C1QTNF3: variants seen among roughly 807,000 people sequenced by gnomAD.
C1QTNF3 encodes C1q and TNF related 3.
Under a neutral mutation model 32.6 loss-of-function variants are expected in C1QTNF3, and 26 were observed. That is an observed-to-expected ratio of 0.80 (90% CI 0.58 to 1.11). C1QTNF3 has a LOEUF of 1.11. C1QTNF3 is among the 50% of genes least tolerant of loss of function. C1QTNF3 has a pLI of 0.00. For synonymous variants in C1QTNF3, 155 were observed against 146.0 expected, an observed-to-expected ratio of 1.06 and a Z score of -0.44; for missense variants, 362 against 398.2, an observed-to-expected ratio of 0.91 and a Z score of 0.77.
chr5:34,145,123 C>T, the C1QTNF3 span, among the ~76,000 whole-genome samples: 1 of 151,908 alleles, frequency 6.6e-6, no homozygotes. Flanking sequence ...GGTGAGACTC[C>T]ATCTCAAAAA....
chr5:34,129,756 G>A, the C1QTNF3 span, among the ~76,000 whole-genome samples: 2 of 151,656 alleles, frequency 1.3e-5, no homozygotes, highest in Admixed American at 1.3e-4. Context: ...AGGTTATAGT[G>A]GGCCTATTGG....
chr5:34,114,144 T>C, the C1QTNF3 span, among the ~76,000 whole-genome samples: 1 of 152,184 alleles, frequency 6.6e-6, no homozygotes, highest in Non-Finnish European at 1.5e-5. Context: ...TTAAATAGGA[T>C]GTGTCAAATT....
chr5:34,208,269 C>T, the C1QTNF3 span, among the ~76,000 whole-genome samples: 3 of 152,138 alleles, frequency 2.0e-5, no homozygotes, highest in African/African-American at 7.2e-5. Flanking sequence ...TTCTACTTGC[C>T]CCTGTTATAA....
At chr5:34,223,229 C>T in the C1QTNF3 span, among the ~76,000 whole-genome samples, 1 of 142,150 alleles carries the variant, frequency 7.0e-6, no homozygotes, top group Non-Finnish European at 1.5e-5. Flanking sequence ...TCCATGTGTT[C>T]TCATTGTTCA....
the C1QTNF3 span, among the ~76,000 whole-genome samples, chr5:34,155,267 A>C: frequency 6.6e-6 from 1 of 152,214 alleles, no homozygotes; most frequent in Admixed American, 6.5e-5. Context: ...GAGAATCTTA[A>C]GCCTGTGTTA....
the C1QTNF3 span, among the ~76,000 whole-genome samples, chr5:34,100,664 T>C: frequency 1.4e-5 from 2 of 148,042 alleles, no homozygotes; most frequent in South Asian, 2.2e-4. Context: ...TTTCTTTACA[T>C]AATTTCCTGA....
At chr5:34,136,475 G>A in the C1QTNF3 span, among the ~76,000 whole-genome samples, 1 of 152,206 alleles carries the variant, frequency 6.6e-6, no homozygotes, top group Admixed American at 6.5e-5. Flanking sequence ...AGTTAGAATG[G>A]CAATCATTAA....
At chr5:34,225,313 GA>G in the C1QTNF3 span, among the ~76,000 whole-genome samples, 21 of 152,036 alleles carry the variant, frequency 1.4e-4, no homozygotes, top group East Asian at 3.3e-3. Flanking sequence ...TAATTAAAGA[GA>G]ATCTGCACTA....
the C1QTNF3 span, among the ~76,000 whole-genome samples, chr5:34,120,357 C>G: frequency 1.3e-5 from 2 of 151,808 alleles, no homozygotes; most frequent in African/African-American, 4.8e-5. Context: ...GTGAAATTTT[C>G]ATAAATCACA....
At chr5:34,219,795 C>G in the C1QTNF3 span, 5 of 152,158 alleles carry the variant, frequency 3.3e-5, no homozygotes, top group South Asian at 1.0e-3. Context: ...TGTGGATGTT[C>G]TTTAAAATAA....
At chr5:34,043,296 C>T, upstream of C1QTNF3, 1 of 643,822 alleles carries the variant, frequency 1.6e-6, no homozygotes, top group South Asian at 2.0e-5. Context: ...AGCAGCCCTC[C>T]TCCCCAGGCA....
the C1QTNF3 span, among the ~76,000 whole-genome samples, chr5:34,132,853 T>C: frequency 1.3e-5 from 2 of 152,202 alleles, no homozygotes; most frequent in African/African-American, 4.8e-5. Flanking sequence ...TCTAAGGTCC[T>C]TTCTTCACAA....
the C1QTNF3 span, among the ~76,000 whole-genome samples, chr5:34,216,505 CCT>C: frequency 1.3e-5 from 2 of 151,952 alleles, no homozygotes; most frequent in Non-Finnish European, 2.9e-5. Flanking sequence ...CGATATTTTC[CCT>C]GTGACAATGT....
chr5:34,019,867 C>T lies in C1QTNF3; in HGVS notation c.*716G>A, dbSNP rs957125086. Reference sequence around the variant, plus strand: ...TGCAACATTTGAATATCTATTGGCACTGTACCTCTATGAGATATTTATGAC... The same window carrying T: ...TGCAACATTTGAATATCTATTGGCATTGTACCTCTATGAGATATTTATGAC... On this transcript the variant is annotated 3_prime_UTR_variant, in exon 6 of 6. Transcript: ENST00000382065. The T allele has an allele frequency of 2.2e-4, 34 of 152,316 alleles. No homozygotes were observed. Among genetic ancestry groups the T allele is most frequent in the African/African-American group, 7.5e-4 (31 of 41,550 alleles). The allele number at this position is 152,316 out of a possible 1,614,324, so 9.4% of individuals were successfully genotyped here. A position where few individuals can be genotyped will look rare whatever the true frequency, so the allele number is the denominator to read the frequency against.
chr5:34,145,937 C>T, the C1QTNF3 span, among the ~76,000 whole-genome samples: 1 of 152,084 alleles, frequency 6.6e-6, no homozygotes. Context: ...AAAAAAAAGA[C>T]TTTTGATAAA....
the C1QTNF3 span, among the ~76,000 whole-genome samples, chr5:34,157,462 C>A: frequency 6.6e-6 from 1 of 152,154 alleles, no homozygotes; most frequent in Non-Finnish European, 1.5e-5. Flanking sequence ...AAGATGTTTG[C>A]ATTGTTGTCC....
At chr5:34,122,246 G>A in the C1QTNF3 span, among the ~76,000 whole-genome samples, 1 of 152,046 alleles carries the variant, frequency 6.6e-6, no homozygotes, top group African/African-American at 2.4e-5. Context: ...TAGAATGTGA[G>A]TCTGGTGTGA....
chr5:34,178,125 A>AT, the C1QTNF3 span, among the ~76,000 whole-genome samples: 1 of 150,002 alleles, frequency 6.7e-6, no homozygotes, highest in Non-Finnish European at 1.5e-5. Context: ...AAAAAAAAAA[A>AT]AAAAAATTAG....
the C1QTNF3 span, among the ~76,000 whole-genome samples, chr5:34,231,701 G>A: frequency 1.3e-5 from 2 of 152,008 alleles, no homozygotes; most frequent in African/African-American, 4.8e-5. Flanking sequence ...TTGAGGTTTG[G>A]GAACCTCCAT....
Sources: allele counts gnomAD v4.1 joint callset (sites outside exome capture counted in the v4.1 genomes callset), GRCh38; gene constraint gnomAD v4.1.1; transcripts MANE v1.5; gene names NCBI Gene and HGNC (gene_info 2026-07-23, HGNC 2026-07-21).